The following DNAJB14 variants were observed in gnomAD, a reference collection of about 807,000 sequenced individuals.
DNAJB14 encodes dnaJ homolog subfamily B member 14.
A neutral mutation model predicts 48.4 loss-of-function variants in DNAJB14; 22 were observed. That is an observed-to-expected ratio of 0.45 (90% confidence interval 0.32 to 0.65). The LOEUF (loss-of-function observed/expected upper bound fraction) is 0.65, where lower values mean the gene tolerates loss of function less well. Among genes scored for constraint, DNAJB14 ranks in the 30% least tolerant of loss-of-function variants. The pLI is 0.03. For missense variants in DNAJB14, 319 were observed against 458.8 expected (o/e 0.70, Z 2.78); for synonymous variants, 142 against 158.7 (o/e 0.89, Z 0.79).
chr4:99,944,234 C>A (rs1726985253), intron 1 of DNAJB14, among the ~76,000 whole-genome samples: 1 of 152,138 alleles, frequency 6.6e-6, no homozygotes, highest in Admixed American at 6.5e-5. Context: ...TCAAAACCAA[C>A]AAAAACAGAA....
In DNAJB14 at chr4:99,924,306, A is replaced by ATT. The variant is rs11343224; in HGVS notation, c.306-1123_306-1122dup. The ATT allele has an allele frequency of 1.1e-3, 147 of 138,498 alleles. 1 individual carries two copies. Among genetic ancestry groups the ATT allele is most frequent in the African/African-American group, 1.8e-3 (67 of 37,896 alleles). 8.6% of individuals were successfully genotyped at this position (138,498 alleles called of 1,614,324 possible). A position where few individuals can be genotyped will look rare whatever the true frequency, so the allele number is the denominator to read the frequency against. On this transcript the variant is annotated intron_variant, in intron 2 of 7. Coordinates refer to ENST00000442697, the MANE Select transcript of DNAJB14 (RefSeq NM_001031723.4). ...AAAGTTTTCAAAGAAAAGAGACAAG[A>ATT]TTTTTTTTTTTTTTTTTTTACTATT...
At chr4:99,919,652 T>C (rs574813921) in intron 3 of DNAJB14, among the ~76,000 whole-genome samples, 3 of 152,302 alleles carry the variant, frequency 2.0e-5, no homozygotes, top group East Asian at 3.9e-4. Flanking sequence ...CTTTGAATCC[T>C]GAGGTCCCTA....
At chr4:99,910,937 C>T (rs1725637476) in intron 3 of DNAJB14, among the ~76,000 whole-genome samples, 1 of 151,936 alleles carries the variant, frequency 6.6e-6, no homozygotes, top group Admixed American at 6.6e-5. Context: ...TACAATATCA[C>T]AAACAGGATA....
At chr4:99,938,889 C>A (rs1578239359) in intron 1 of DNAJB14, among the ~76,000 whole-genome samples, 2 of 151,934 alleles carry the variant, frequency 1.3e-5, no homozygotes, top group African/African-American at 4.8e-5. Context: ...TTCCTGAAAA[C>A]TGATAAAAGC....
intron 1 of DNAJB14, among the ~76,000 whole-genome samples, chr4:99,935,465 A>C (rs979914719): frequency 6.6e-6 from 1 of 152,226 alleles, no homozygotes; most frequent in African/African-American, 2.4e-5. Context: ...TCCACTATAA[A>C]ACAGGCTTTA....
chr4:99,928,031 A>G (rs1726318517), intron 2 of DNAJB14: 1 of 152,210 alleles, frequency 6.6e-6, no homozygotes, highest in Non-Finnish European at 1.5e-5. Context: ...TTCCAATCAT[A>G]TTTAGTCCCC....
intron 2 of DNAJB14, chr4:99,929,803 T>G (rs1485486286): frequency 3.3e-5 from 5 of 152,216 alleles, no homozygotes; most frequent in African/African-American, 1.2e-4. Flanking sequence ...AGCAAAGTAA[T>G]ATCAGCACAA....
At chr4:99,910,876 C>G (rs1725634171) in intron 3 of DNAJB14, among the ~76,000 whole-genome samples, 1 of 152,044 alleles carries the variant, frequency 6.6e-6, no homozygotes, top group East Asian at 1.9e-4. Flanking sequence ...CACAGATCCA[C>G]TGTACCTTTC....
In DNAJB14 at chr4:99,934,553, GGAGGCT is replaced by G. The variant is rs201073304; in HGVS notation, c.134-3938_134-3933del. 1.6e-3 allele frequency among the ~76,000 whole-genome samples: 246 copies of G among 151,994 alleles called. 8 individuals carry two copies. The East Asian group carries it at 0.041, about 25-fold the overall frequency. On this transcript the variant is annotated intron_variant, in intron 1 of 7. Coordinates refer to ENST00000442697, the MANE Select transcript of DNAJB14 (RefSeq NM_001031723.4). ...TCACATCTGTAATCCCAGCACTTTG[GGAGGCT>G]GAGGCGGGTAGATCACCTGAGGTCA... is the stretch of plus-strand genomic sequence containing the variant.
intron 1 of DNAJB14, among the ~76,000 whole-genome samples, chr4:99,936,032 C>T (rs776616626): frequency 3.9e-5 from 6 of 152,170 alleles, no homozygotes; most frequent in Non-Finnish European, 8.8e-5. Context: ...TGTGCCACTG[C>T]ACTCCAACCT....
At chr4:99,936,289 C>A (rs1726671427) in intron 1 of DNAJB14, among the ~76,000 whole-genome samples, 1 of 152,136 alleles carries the variant, frequency 6.6e-6, no homozygotes, top group South Asian at 2.1e-4. Context: ...AACAGAATCA[C>A]AAACATGGAA....
At chr4:99,919,614 A>AAACAAAC (rs769139741) in intron 3 of DNAJB14, among the ~76,000 whole-genome samples, 27 of 124,836 alleles carry the variant, frequency 2.2e-4, no homozygotes, top group Admixed American at 7.6e-4. Context: ...AACAAACAAA[A>AAACAAAC]ACCTAAGCAA....
At chr4:99,919,002 G>C (rs768326208) in intron 3 of DNAJB14, among the ~76,000 whole-genome samples, 5 of 152,100 alleles carry the variant, frequency 3.3e-5, no homozygotes, top group Non-Finnish European at 2.9e-5. Flanking sequence ...GGAGCTTAGA[G>C]CATCTCATTA....
chr4:99,937,232 G>A (rs544389083), intron 1 of DNAJB14, among the ~76,000 whole-genome samples: 2 of 151,138 alleles, frequency 1.3e-5, no homozygotes, highest in East Asian at 4.0e-4. Flanking sequence ...CAGGAGAATG[G>A]TGTGAACCTG....
At chr4:99,942,402 C>A (rs1726919546) in intron 1 of DNAJB14, 1 of 151,918 alleles carries the variant, frequency 6.6e-6, no homozygotes, top group Non-Finnish European at 1.5e-5. Context: ...ACAGATTGTA[C>A]CCCTCTCTGA....
At chr4:99,940,207 T>C (rs1489760371) in intron 1 of DNAJB14, among the ~76,000 whole-genome samples, 2 of 152,094 alleles carry the variant, frequency 1.3e-5, no homozygotes, top group East Asian at 1.9e-4. Flanking sequence ...TCAGAACACA[T>C]GATTTGAAAA....
intron 4 of DNAJB14, among the ~76,000 whole-genome samples, chr4:99,908,259 A>G (rs919743454): frequency 1.3e-5 from 2 of 152,190 alleles, no homozygotes; most frequent in Non-Finnish European, 2.9e-5. Flanking sequence ...CAGATTTTCT[A>G]CTGTTTAAAT....
At chr4:99,942,927 T>C (rs1347957118) in intron 1 of DNAJB14, among the ~76,000 whole-genome samples, 1 of 152,186 alleles carries the variant, frequency 6.6e-6, no homozygotes, top group African/African-American at 2.4e-5. Context: ...CTAGTATAAG[T>C]GAAATTCAGG....
chr4:99,904,024 C>T (rs189527599), intron 6 of DNAJB14, 126 bp from the exon 7 acceptor site: 6 of 985,724 alleles, frequency 6.1e-6, no homozygotes, highest in Non-Finnish European at 8.8e-6. Flanking sequence ...GTTGAGCATC[C>T]CTAATCCGAA....
Sources: gnomAD v4.1 joint callset for allele counts (sites outside exome capture counted in the v4.1 genomes callset) on GRCh38, gnomAD v4.1.1 for gene constraint, MANE v1.5 for transcripts, NCBI Gene and HGNC (gene_info 2026-07-23, HGNC 2026-07-21) for gene names.